The following CHLSN variants were observed in gnomAD, a reference collection of about 807,000 sequenced individuals.
The protein encoded by CHLSN is protein cholesin.
the CHLSN span, among the ~76,000 whole-genome samples, chr7:998,008 C>CA: frequency 6.6e-6 from 1 of 152,228 alleles, no homozygotes; most frequent in Non-Finnish European, 1.5e-5. Context: ...ACAAAACACT[C>CA]AATTAACCTG....
At chr7:1,018,952 C>T in the CHLSN span, among the ~76,000 whole-genome samples, 3 of 152,004 alleles carry the variant, frequency 2.0e-5, no homozygotes, top group Non-Finnish European at 4.4e-5. Context: ...GTGGTCCGGG[C>T]GTGGTGGCCG....
At chr7:1,046,910 G>A in the CHLSN span, among the ~76,000 whole-genome samples, 6 of 152,212 alleles carry the variant, frequency 3.9e-5, no homozygotes, top group Admixed American at 6.5e-5. Context: ...TAAGATCTGC[G>A]GCTCAGAGCA....
chr7:1,130,008 G>A, the CHLSN span, among the ~76,000 whole-genome samples: 6 of 152,102 alleles, frequency 3.9e-5, no homozygotes, highest in Non-Finnish European at 4.4e-5. Context: ...CACGGGCTGC[G>A]GGCACCGGTC....
the CHLSN span, among the ~76,000 whole-genome samples, chr7:987,731 C>G: frequency 1.3e-5 from 2 of 152,334 alleles, no homozygotes; most frequent in African/African-American, 4.8e-5. Context: ...GCCTGGCCAG[C>G]AGACCTGGCG....
At chr7:1,092,981 G>T in the CHLSN span, 1 of 909,152 alleles carries the variant, frequency 1.1e-6, no homozygotes, top group Non-Finnish European at 1.8e-6. Flanking sequence ...GCTCCTCGGG[G>T]CCTCGCGAGG....
chr7:1,049,956 C>T, the CHLSN span, among the ~76,000 whole-genome samples: 2 of 152,182 alleles, frequency 1.3e-5, no homozygotes, highest in Non-Finnish European at 2.9e-5. Flanking sequence ...CCACCCCACC[C>T]CACCCCAACA....
At chr7:1,057,536 C>T in the CHLSN span, 4 of 771,718 alleles carry the variant, frequency 5.2e-6, no homozygotes, top group East Asian at 9.7e-5. Flanking sequence ...GCAGCTGGTT[C>T]AACGGCACAG....
the CHLSN span, among the ~76,000 whole-genome samples, chr7:1,090,575 C>T: frequency 5.4e-5 from 8 of 148,364 alleles, no homozygotes; most frequent in East Asian, 7.8e-4. Flanking sequence ...TGACACGGGG[C>T]GGGTGACGGG....
At chr7:1,136,440 AT>A in the CHLSN span, among the ~76,000 whole-genome samples, 27 of 123,728 alleles carry the variant, frequency 2.2e-4, no homozygotes, top group African/African-American at 9.0e-4. Context: ...AAACATATAT[AT>A]AAATATATAT....
the CHLSN span, among the ~76,000 whole-genome samples, chr7:1,085,773 C>T: frequency 6.6e-6 from 1 of 151,060 alleles, no homozygotes; most frequent in African/African-American, 2.4e-5. Context: ...GTGGAGGCTG[C>T]AGTGAGCTGA....
At chr7:1,051,905 G>A in the CHLSN span, among the ~76,000 whole-genome samples, 1 of 152,232 alleles carries the variant, frequency 6.6e-6, no homozygotes, top group Non-Finnish European at 1.5e-5. Flanking sequence ...TTGAGCCCAG[G>A]AGGCAGAGGG....
the CHLSN span, chr7:988,207 A>T: frequency 6.7e-7 from 1 of 1,493,126 alleles, no homozygotes; most frequent in Admixed American, 2.2e-5. Flanking sequence ...CCTGGAATGA[A>T]ACTTCCCAAC....
the CHLSN span, chr7:987,093 C>T: frequency 6.6e-7 from 1 of 1,517,598 alleles, no homozygotes; most frequent in South Asian, 1.3e-5. Context: ...GAGCCCTGCC[C>T]CACGCCTCTG....
At chr7:1,123,340 C>T in the CHLSN span, among the ~76,000 whole-genome samples, 1 of 152,218 alleles carries the variant, frequency 6.6e-6, no homozygotes, top group Non-Finnish European at 1.5e-5. The surrounding 1 kb of genome is among the most constrained non-coding windows in gnomAD (Gnocchi z 4.4). Flanking sequence ...CTGCACGGGG[C>T]CCCGGGAGTG....
the CHLSN span, among the ~76,000 whole-genome samples, chr7:1,080,191 C>T: frequency 0.022 from 3,379 of 152,322 alleles, 137 homozygotes; most frequent in African/African-American, 0.077. Context: ...TAAGAACCAG[C>T]GATGCCCAAT....
At chr7:1,041,413 G>A in the CHLSN span, among the ~76,000 whole-genome samples, 1 of 148,328 alleles carries the variant, frequency 6.7e-6, no homozygotes, top group Admixed American at 6.7e-5. Context: ...GCGGGGAACG[G>A]GACCTGGGGT....
the CHLSN span, among the ~76,000 whole-genome samples, chr7:1,059,848 T>C: frequency 3.3e-5 from 1 of 30,382 alleles, no homozygotes. Context: ...GTGAGGCGGG[T>C]CCGTAGTGGG....
the CHLSN span, among the ~76,000 whole-genome samples, chr7:1,017,285 G>T: frequency 1.7e-4 from 26 of 152,222 alleles, no homozygotes; most frequent in Non-Finnish European, 3.1e-4. Context: ...AATTGGAGCT[G>T]CGGGGAGGGA....
chr7:1,104,877 A>T, the CHLSN span, among the ~76,000 whole-genome samples: 2 of 152,332 alleles, frequency 1.3e-5, no homozygotes, highest in African/African-American at 4.8e-5. Context: ...TTAGCCAGTG[A>T]CTAATATTCT....
Sources: gnomAD v4.1 joint callset for allele counts (sites outside exome capture counted in the v4.1 genomes callset) on GRCh38, gnomAD v4.1.1 for gene constraint, Gnocchi (gnomAD v3.1) non-coding constraint, MANE v1.5 for transcripts, NCBI Gene and HGNC (gene_info 2026-07-23, HGNC 2026-07-21) for gene names.